Variants in CDKL1 observed in about 807,000 individuals in gnomAD.
CDKL1 encodes the protein cyclin dependent kinase like 1.
Under a neutral mutation model 42.0 loss-of-function variants are expected in CDKL1, and 41 were observed. That is an observed-to-expected ratio of 0.98 (90% CI 0.76 to 1.27). The LOEUF (loss-of-function observed/expected upper bound fraction) is 1.27. Among genes scored for constraint, CDKL1 ranks in the 50% most tolerant of loss-of-function variants. The probability of loss-of-function intolerance (pLI) is 0.00; values close to 1 mark genes in which losing one functional copy is unlikely to be tolerated. For missense variants in CDKL1, 394 were observed against 428.4 expected (o/e 0.92, Z 0.71); for synonymous variants, 153 against 158.6 (o/e 0.96, Z 0.26).
chr14:50,380,203 C>A (rs1328313864), intron 2 of CDKL1: 1 of 532,652 alleles, frequency 1.9e-6, no homozygotes, highest in Non-Finnish European at 3.8e-6. Context: ...GCAACACAAC[C>A]CTGGTCAAAA....
chr14:50,362,912 G>A (rs1275088634), intron 2 of CDKL1: 3 of 452,694 alleles, frequency 6.6e-6, no homozygotes, highest in South Asian at 1.6e-5. Flanking sequence ...TCACACTGTG[G>A]AAGCTTTGTT....
At chr14:50,357,693 T>TG (rs2034097073) in intron 3 of CDKL1, among the ~76,000 whole-genome samples, 2 of 152,200 alleles carry the variant, frequency 1.3e-5, no homozygotes, top group African/African-American at 4.8e-5. Context: ...CAGGGATAGT[T>TG]GCGTCACCTG....
intron 8 of CDKL1, 114 bp from the exon 9 acceptor site, chr14:50,332,546 A>T: frequency 6.7e-7 from 1 of 1,491,484 alleles, no homozygotes. Context: ...AAGGGGGAAA[A>T]GGCAGGAAAA....
chr14:50,336,064 G>A lies in CDKL1; in HGVS notation c.739-1443C>T, dbSNP rs142391775. ...AATCTGAGCATCACTGGGGTTTGAC[G>A]TGCCATTGCTATATCATCGAGCTCT... On this transcript the variant is annotated intron_variant, in intron 7 of 9. Transcript: ENST00000395834. 8.3e-5 allele frequency: 114 copies of A among 1,366,214 alleles called. No homozygotes were observed. In the East Asian group the frequency reaches 3.4e-3, roughly 40 times the overall value. 84.6% of individuals were successfully genotyped at this position (1,366,214 alleles called of 1,614,324 possible). A position where few individuals can be genotyped will look rare whatever the true frequency, so the allele number is the denominator to read the frequency against.
chr14:50,375,804 A>G (rs961273310), intron 2 of CDKL1, among the ~76,000 whole-genome samples: 2 of 152,162 alleles, frequency 1.3e-5, no homozygotes, highest in Non-Finnish European at 2.9e-5. Flanking sequence ...CTCAAAAAAA[A>G]AAAATAGCGG....
At chr14:50,361,393 A>G (rs1202592275) in intron 2 of CDKL1, among the ~76,000 whole-genome samples, 1 of 152,228 alleles carries the variant, frequency 6.6e-6, no homozygotes. Context: ...TCTAAAGCTC[A>G]TGTCTTATTA....
chr14:50,396,376 C>T, intron 1 of CDKL1, 47 bp from the exon 2 acceptor site: 1 of 985,668 alleles, frequency 1.0e-6, no homozygotes, highest in Non-Finnish European at 1.2e-6. Context: ...GTACCCGTGT[C>T]GGCAATGGCA....
intron 2 of CDKL1, among the ~76,000 whole-genome samples, chr14:50,375,934 T>C (rs1329556894): frequency 6.6e-6 from 1 of 152,158 alleles, no homozygotes; most frequent in Non-Finnish European, 1.5e-5. Flanking sequence ...CTACAAAATA[T>C]GTGACCAGTA....
chr14:50,330,859 C>A (rs1420944729), intron 9 of CDKL1: 1 of 152,186 alleles, frequency 6.6e-6, no homozygotes, highest in East Asian at 1.9e-4. Context: ...CTTTTACTTT[C>A]TAGAAAAAAA....
At chr14:50,378,426 T>G (rs779456283) in intron 2 of CDKL1, 2 of 1,365,966 alleles carry the variant, frequency 1.5e-6, no homozygotes, top group East Asian at 4.6e-5. Context: ...AGTAGTAAAA[T>G]GTAAGGCTGG....
In CDKL1 at chr14:50,396,113, GA is replaced by G; in HGVS notation, c.-246del. ...AGGCAGGAGAATCGCGTGAACCTGG[GA>G]GGCGCAGGTTGCAGTGAGCCGAGAT... On this transcript the variant is annotated 5_prime_UTR_variant, in exon 2 of 10. Transcript: ENST00000395834. 9.1e-7 allele frequency: 1 copy of G among 1,099,640 alleles called. No homozygotes were observed. The highest frequency in any genetic ancestry group is 1.1e-6 in the Non-Finnish European group (1 of 889,564). 68.1% of individuals were successfully genotyped at this position (1,099,640 alleles called of 1,614,324 possible).
At chr14:50,335,985 A>G in intron 7 of CDKL1, 1 of 1,366,542 alleles carries the variant, frequency 7.3e-7, no homozygotes, top group Non-Finnish European at 9.8e-7. Context: ...GCACCCTCAT[A>G]CTTCCACTCA....
In CDKL1 at chr14:50,394,823, G is replaced by C. The variant is rs796303400; in HGVS notation, c.168+878C>G. 9.2e-5 allele frequency among the ~76,000 whole-genome samples: 14 copies of C among 152,162 alleles called. 1 individual carries two copies. The highest frequency in any genetic ancestry group is 3.1e-4 in the African/African-American group (13 of 41,498). ...CCCCTCTGATATCATGTTATTTTTA[G>C]GGTTAACTAATAAACATTTGAAAAG... On this transcript the variant is annotated intron_variant, in intron 2 of 9. Transcript: ENST00000395834.
At position 50,329,196 on chromosome 14, in the gene CDKL1, TTA is replaced by T. The variant is rs2139344491; in HGVS notation, c.*876_*877del. The T allele has an allele frequency of 6.6e-6, 1 of 152,220 alleles. No individual in the cohort carries two copies. Among genetic ancestry groups the T allele is most frequent in the East Asian group, 1.9e-4 (1 of 5,178 alleles). 9.4% of individuals were successfully genotyped at this position (152,220 alleles called of 1,614,324 possible). On this transcript the variant is annotated 3_prime_UTR_variant, in exon 10 of 10. Transcript: ENST00000395834. The stretch of plus-strand genomic sequence containing the variant: ...TTCTTCTGAAACCCAGATCACTGAA[TTA>T]CAGGTTTGCCTATAGATGTACCAGG...
chr14:50,376,259 A>G (rs1194652114), intron 2 of CDKL1: 2 of 414,696 alleles, frequency 4.8e-6, no homozygotes, highest in South Asian at 3.8e-5. Flanking sequence ...GAACTCTACT[A>G]TCTTCTAGTT....
intron 7 of CDKL1, among the ~76,000 whole-genome samples, chr14:50,336,805 G>A (rs1019766447): frequency 2.0e-4 from 30 of 151,258 alleles, no homozygotes; most frequent in African/African-American, 6.8e-4. Flanking sequence ...CCACCCAAAA[G>A]AGATATCCAC....
At chr14:50,351,615 G>C (rs2033903943) in intron 3 of CDKL1, among the ~76,000 whole-genome samples, 1 of 151,736 alleles carries the variant, frequency 6.6e-6, no homozygotes, top group East Asian at 1.9e-4. Context: ...GGCACCTGTA[G>C]TCCCAGCTAC....
At position 50,329,816 on chromosome 14, in the gene CDKL1, T is replaced by C; in HGVS notation, c.*258A>G. 1 of 406,488 alleles carries C rather than the reference T, an allele frequency of 2.5e-6. No homozygotes were observed. Among genetic ancestry groups the C allele is most frequent in the Non-Finnish European group, 4.4e-6 (1 of 225,350 alleles). 25.2% of individuals were successfully genotyped at this position (406,488 alleles called of 1,614,324 possible). On this transcript the variant is annotated 3_prime_UTR_variant, in exon 10 of 10. Transcript: ENST00000395834. ...TATGGGACAGTTCATATTCTGTCCATAAGTTCGGCTACTTACATAAACTGA... is the reference window on the plus strand; with the variant it reads ...TATGGGACAGTTCATATTCTGTCCACAAGTTCGGCTACTTACATAAACTGA...
Position 50,328,065 on chromosome 14 carries a change from G to A in CDKL1, c.*2009C>T, listed in dbSNP as rs1048126814. On this transcript the variant is annotated 3_prime_UTR_variant, in exon 10 of 10. Coordinates refer to ENST00000395834, the MANE Select transcript of CDKL1 (RefSeq NM_004196.7). ...GAAAAAAATAAGCCTTTTTTCTCAG[G>A]TTTGTTTCATTACTGTATGGTGAGA... The A allele has an allele frequency of 1.3e-5, 2 of 151,998 alleles. No individual in the cohort carries two copies. Among genetic ancestry groups the A allele is most frequent in the Non-Finnish European group, 1.5e-5 (1 of 67,990 alleles). 9.4% of individuals were successfully genotyped at this position (151,998 alleles called of 1,614,324 possible). A position where few individuals can be genotyped will look rare whatever the true frequency, so the allele number is the denominator to read the frequency against.
Sources: allele counts gnomAD v4.1 joint callset (sites outside exome capture counted in the v4.1 genomes callset), GRCh38; gene constraint gnomAD v4.1.1; transcripts MANE v1.5; gene names NCBI Gene and HGNC (gene_info 2026-07-23, HGNC 2026-07-21).